Variants in RASAL2 observed in about 807,000 individuals in gnomAD.
RASAL2 encodes RAS protein activator like 2.
A neutral mutation model predicts 128.9 loss-of-function variants in RASAL2; 58 were observed. The ratio of observed to expected loss-of-function variants is 0.45; its 90% CI spans 0.36 to 0.56. RASAL2 has a LOEUF of 0.56. RASAL2 is among the 20% of genes least tolerant of loss of function. The probability of loss-of-function intolerance (pLI) is 0.00; values close to 1 mark genes in which losing one functional copy is unlikely to be tolerated. For missense variants in RASAL2, 1,360 were observed against 1,601.6 expected, an observed-to-expected ratio of 0.85 and a Z score of 2.57; for synonymous variants, 561 against 580.8, an observed-to-expected ratio of 0.97 and a Z score of 0.49.
intron 1 of RASAL2, among the ~76,000 whole-genome samples, chr1:178,279,852 G>A (rs1666699643): frequency 6.6e-6 from 1 of 152,134 alleles, no homozygotes; most frequent in African/African-American, 2.4e-5. Flanking sequence ...CTTTTCTGAT[G>A]AGATCAAAAC....
chr1:178,155,486 A>C (rs552504135), intron 1 of RASAL2, among the ~76,000 whole-genome samples: 2 of 151,608 alleles, frequency 1.3e-5, no homozygotes, highest in African/African-American at 4.8e-5. Context: ...AAAATTTTAG[A>C]AGTACGATGT....
chr1:178,418,368 T>G (rs1253395964), intron 4 of RASAL2, among the ~76,000 whole-genome samples: 1 of 152,192 alleles, frequency 6.6e-6, no homozygotes, highest in Non-Finnish European at 1.5e-5. Flanking sequence ...TTACTATTCA[T>G]TAGGTGGAAG....
intron 1 of RASAL2, among the ~76,000 whole-genome samples, chr1:178,248,596 A>G (rs760137435): frequency 6.6e-6 from 1 of 152,156 alleles, no homozygotes; most frequent in Non-Finnish European, 1.5e-5. Context: ...TCATGATGCT[A>G]GCTGATTATT....
At chr1:178,448,646 T>TA (rs964052498) in intron 9 of RASAL2, among the ~76,000 whole-genome samples, 7 of 151,650 alleles carry the variant, frequency 4.6e-5, no homozygotes, top group Admixed American at 1.3e-4. Context: ...TGTGTTTTGT[T>TA]AAAAAAGTCC....
chr1:178,267,196 G>A (rs1665997710), intron 1 of RASAL2, among the ~76,000 whole-genome samples: 1 of 152,022 alleles, frequency 6.6e-6, no homozygotes, highest in African/African-American at 2.4e-5. Context: ...CCCTTTTTCT[G>A]AAGAAAGAAC....
Position 178,441,589 on chromosome 1 carries a change from C to T in RASAL2, c.869C>T (p.Ser290Phe), listed in dbSNP as rs1676654742. The change falls in exon 7 of 18, where the codon TCT (serine) becomes TTT (phenylalanine). Residue 290 changes from serine to phenylalanine, a missense_variant. Transcript: ENST00000367649. Reference protein sequence around the residue: ...LSGSKCFSCNSASERDKWMEN... With the variant: ...LSGSKCFSCNFASERDKWMEN... ...GGAAGTAAATGCTTCAGCTGTAATT[C>T]TGCTTCTGAGAGAGACAAGTGGATG... The T allele has an allele frequency of 6.2e-7, 1 of 1,612,536 alleles. No homozygotes were observed. The highest frequency in any genetic ancestry group is 1.1e-5 in the South Asian group (1 of 91,034).
chr1:178,117,289 G>A (rs1456470815), intron 1 of RASAL2, among the ~76,000 whole-genome samples: 1 of 152,062 alleles, frequency 6.6e-6, no homozygotes, highest in Non-Finnish European at 1.5e-5. Context: ...ATCTCAATCA[G>A]GTGCAGTTTC....
intron 3 of RASAL2, among the ~76,000 whole-genome samples, chr1:178,335,303 G>A (rs1248469875): frequency 6.6e-6 from 1 of 152,042 alleles, no homozygotes; most frequent in African/African-American, 2.4e-5. Context: ...TGTAATACTG[G>A]TTTTTCTTCT....
chr1:178,451,179 A>G (rs1427055072), intron 9 of RASAL2, among the ~76,000 whole-genome samples: 5 of 152,200 alleles, frequency 3.3e-5, no homozygotes, highest in African/African-American at 1.2e-4. Flanking sequence ...TATTCAATCA[A>G]GCTTGGGTCA....
At chr1:178,304,578 G>A (rs1292096801) in intron 3 of RASAL2, among the ~76,000 whole-genome samples, 1 of 152,128 alleles carries the variant, frequency 6.6e-6, no homozygotes, top group Non-Finnish European at 1.5e-5. Context: ...AGGGTTCTTG[G>A]TAAGTTTAGG....
intron 1 of RASAL2, among the ~76,000 whole-genome samples, chr1:178,193,108 G>A (rs1662545803): frequency 6.6e-6 from 1 of 152,192 alleles, no homozygotes; most frequent in Non-Finnish European, 1.5e-5. Flanking sequence ...GATCACGTTT[G>A]AGGGAACTCA....
At position 178,217,908 on chromosome 1, in the gene RASAL2, A is replaced by ATTG. The variant is rs1663477943; in HGVS notation, c.203-65656_203-65655insTTG. On this transcript the variant is annotated intron_variant, in intron 1 of 17. Transcript: ENST00000367649. ...TACTGTTTGATAGCATTGTACCCAC[A>ATTG]GAATTTCTTTCCAAACTGGAGTCAA... 2.0e-5 allele frequency among the ~76,000 whole-genome samples: 3 copies of ATTG among 151,802 alleles called. No individual in the cohort carries two copies. The East Asian group carries it at 5.8e-4, about 29-fold the overall frequency.
intron 1 of RASAL2, among the ~76,000 whole-genome samples, chr1:178,219,922 A>G (rs1270925554): frequency 6.6e-6 from 1 of 152,038 alleles, no homozygotes; most frequent in African/African-American, 2.4e-5. Flanking sequence ...GTGTCTGACT[A>G]ATAGGGGCGG....
In RASAL2 at chr1:178,404,243, A is replaced by T. The variant is rs1010748112; in HGVS notation, c.564+14037A>T. Among the ~76,000 whole-genome samples, 6 of 152,082 alleles carry T rather than the reference A, an allele frequency of 3.9e-5. No individual in the cohort carries two copies. In the East Asian group the frequency reaches 1.2e-3, roughly 29 times the overall value. Reference sequence around the variant, plus strand: ...CCCGTCTCAAAAAAAAAAAAAAAAAAATTAAGGGACAAGTGACTAAGACCC... The same window carrying T: ...CCCGTCTCAAAAAAAAAAAAAAAAATATTAAGGGACAAGTGACTAAGACCC... On this transcript the variant is annotated intron_variant, in intron 4 of 17. Coordinates refer to ENST00000367649, the MANE Select transcript of RASAL2 (RefSeq NM_170692.4).
intron 3 of RASAL2, among the ~76,000 whole-genome samples, chr1:178,341,297 A>G (rs976913521): frequency 1.3e-5 from 2 of 152,192 alleles, no homozygotes; most frequent in African/African-American, 4.8e-5. Context: ...CTTCTCCTGA[A>G]GTAGACTGCC....
At chr1:178,432,267 C>T (rs570258955) in intron 5 of RASAL2, among the ~76,000 whole-genome samples, 1 of 152,056 alleles carries the variant, frequency 6.6e-6, no homozygotes, top group East Asian at 1.9e-4. Flanking sequence ...TTTCTCAACC[C>T]ATTGAAATCT....
At chr1:178,327,593 C>G (rs1322122318) in intron 3 of RASAL2, among the ~76,000 whole-genome samples, 1 of 152,158 alleles carries the variant, frequency 6.6e-6, no homozygotes, top group Non-Finnish European at 1.5e-5. Context: ...CTCAAGCAAT[C>G]TACCTGCATC....
chr1:178,438,101 C>CTT (rs1171671932), intron 5 of RASAL2, among the ~76,000 whole-genome samples: 2 of 97,958 alleles, frequency 2.0e-5, no homozygotes, highest in African/African-American at 4.0e-5. Flanking sequence ...TAAATGGTGG[C>CTT]TTGTGTGTGT....
chr1:178,458,442 C>T lies in RASAL2; in HGVS notation c.3150C>T (p.Ala1050=), dbSNP rs201134051. ...SMSVVSAALV[A]EPVQNGSRSR... is the part of the protein sequence containing the mutation. ...CAGTGGTGTCCGCAGCCCTGGTGGC[C>T]GAACCTGTGCAGAATGGGAGCCGGT... Residue 1050 remains alanine, a synonymous_variant, in exon 14 of 18, where the codon GCC becomes GCT. Transcript: ENST00000367649. 39 of 1,614,064 alleles carry T rather than the reference C, an allele frequency of 2.4e-5. No homozygotes were observed. Among genetic ancestry groups the T allele is most frequent in the East Asian group, 4.5e-5 (2 of 44,884 alleles).
Sources: allele counts gnomAD v4.1 joint callset (sites outside exome capture counted in the v4.1 genomes callset), GRCh38; gene constraint gnomAD v4.1.1; transcripts MANE v1.5; gene names NCBI Gene and HGNC (gene_info 2026-07-23, HGNC 2026-07-21).